The following CYRIB variants were observed in gnomAD, a reference collection of about 807,000 sequenced individuals.
CYRIB encodes CYFIP related Rac1 interactor B.
CYRIB carries 8 observed loss-of-function variants against 44.2 expected under a neutral mutation model. The observed-to-expected ratio is 0.18, with a 90% CI of 0.11 to 0.33. The LOEUF (loss-of-function observed/expected upper bound fraction) is 0.33, where lower values mean the gene tolerates loss of function less well. CYRIB is among the 10% of genes least tolerant of loss of function. CYRIB has a pLI of 1.00. For synonymous variants in CYRIB, 131 were observed against 127.2 expected, an observed-to-expected ratio of 1.03 and a Z score of -0.20; for missense variants, 185 against 382.8, an observed-to-expected ratio of 0.48 and a Z score of 4.31.
chr8:129,894,929 ATT>A (rs61102044), intron 2 of CYRIB, among the ~76,000 whole-genome samples: 3 of 148,026 alleles, frequency 2.0e-5, no homozygotes, highest in Non-Finnish European at 4.5e-5. Context: ...ATATATATAT[ATT>A]TTTTTAATTA....
At chr8:129,859,418 T>TTA (rs1476522895) in intron 5 of CYRIB, among the ~76,000 whole-genome samples, 2 of 151,058 alleles carry the variant, frequency 1.3e-5, no homozygotes, top group East Asian at 3.9e-4. Flanking sequence ...GCCTGACTAA[T>TTA]GTCAGGCCCT....
At chr8:130,015,512 G>T (rs1424313103) in intron 1 of CYRIB, among the ~76,000 whole-genome samples, 1 of 152,166 alleles carries the variant, frequency 6.6e-6, no homozygotes, top group Non-Finnish European at 1.5e-5. Context: ...GCTGCAAAGT[G>T]CATGTGACAC....
rs147271003 is a variant in CYRIB at position 129,864,869 on chromosome 8, T to C, written c.196-2535A>G. On this transcript the variant is annotated intron_variant, in intron 4 of 11. Transcript: ENST00000519824. ...AGGTTTTCCTCATTGATCAATTCCA[T>C]AAAGCTATAGAAGAAGTCCTGACAC... The C allele has an allele frequency of 2.5e-5, 10 of 405,566 alleles. No homozygotes were observed. In the East Asian group the frequency reaches 6.6e-4, roughly 27 times the overall value. The allele number at this position is 405,566 out of a possible 1,614,324, so 25.1% of individuals were successfully genotyped here.
At chr8:129,885,320 C>T (rs1195866151) in intron 2 of CYRIB, among the ~76,000 whole-genome samples, 1 of 152,178 alleles carries the variant, frequency 6.6e-6, no homozygotes, top group Non-Finnish European at 1.5e-5. Context: ...AATCTTCTAC[C>T]TACCTCTTCA....
Position 129,972,774 on chromosome 8 carries a change from C to T in CYRIB, c.-295-1779G>A, listed in dbSNP as rs554631845. ...CGCACATGCACACCACACACACACACCCCACATCACTCACACACCCAGCAC... is the reference window on the plus strand; with the variant it reads ...CGCACATGCACACCACACACACACATCCCACATCACTCACACACCCAGCAC... On this transcript the variant is annotated intron_variant, in intron 1 of 14. Transcript: ENST00000401979. Among the ~76,000 whole-genome samples, 8 of 152,082 alleles carry T rather than the reference C, an allele frequency of 5.3e-5. No homozygotes were observed. The East Asian group carries it at 1.5e-3, about 29-fold the overall frequency.
At chr8:129,967,418 C>T (rs1430741128) in intron 2 of CYRIB, among the ~76,000 whole-genome samples, 3 of 148,422 alleles carry the variant, frequency 2.0e-5, no homozygotes, top group African/African-American at 7.5e-5. Context: ...CTTGCTCTGT[C>T]GCCCAGGCTG....
At chr8:129,923,329 C>T (rs1341172962) in intron 1 of CYRIB, among the ~76,000 whole-genome samples, 1 of 151,662 alleles carries the variant, frequency 6.6e-6, no homozygotes, top group Non-Finnish European at 1.5e-5. Flanking sequence ...GGCTGGAGTG[C>T]AATGGTACAA....
At chr8:130,013,866 G>A (rs1219035576) in intron 1 of CYRIB, among the ~76,000 whole-genome samples, 1 of 152,196 alleles carries the variant, frequency 6.6e-6, no homozygotes, top group Non-Finnish European at 1.5e-5. Context: ...AGAGCAAAGG[G>A]GAACCCATCA....
intron 1 of CYRIB, among the ~76,000 whole-genome samples, chr8:129,906,896 T>C (rs2136040540): frequency 6.6e-6 from 1 of 152,208 alleles, no homozygotes; most frequent in Non-Finnish European, 1.5e-5. Flanking sequence ...AAAACCACAA[T>C]GAGATACCAT....
chr8:129,962,382 G>T (rs1462437681), intron 2 of CYRIB, among the ~76,000 whole-genome samples: 1 of 152,178 alleles, frequency 6.6e-6, no homozygotes, highest in Non-Finnish European at 1.5e-5. Context: ...GACTGAGGCT[G>T]CAGTAAGCTA....
In CYRIB at chr8:129,918,644, G is replaced by A. The variant is rs186512297; in HGVS notation, c.-49-15294C>T. Among the ~76,000 whole-genome samples the A allele has an allele frequency of 5.1e-4, 77 of 152,220 alleles. No individual in the cohort carries two copies. In the South Asian group the frequency reaches 9.7e-3, roughly 19 times the overall value. ...AGCACATCATATCACTCATCAAAAC[G>A]CTGGACCCTTTCCCATGACTCAAAG... is the stretch of plus-strand genomic sequence containing the variant. On this transcript the variant is annotated intron_variant, in intron 1 of 11. Coordinates refer to ENST00000519824, the Ensembl canonical transcript of CYRIB.
chr8:129,849,464 A>G (rs2042111485), intron 9 of CYRIB, 95 bp from the exon 12 acceptor site: 6 of 1,266,292 alleles, frequency 4.7e-6, no homozygotes, highest in Non-Finnish European at 5.3e-6. Flanking sequence ...GAAATATTTT[A>G]TTCAAATTTC....
At chr8:129,931,760 G>T (rs927532745) in intron 1 of CYRIB, among the ~76,000 whole-genome samples, 5 of 151,894 alleles carry the variant, frequency 3.3e-5, no homozygotes, top group African/African-American at 1.2e-4. Flanking sequence ...CCAAGTAGCT[G>T]GGATTACAGG....
intron 1 of CYRIB, among the ~76,000 whole-genome samples, chr8:129,976,759 G>C (rs1399925633): frequency 6.6e-6 from 1 of 151,576 alleles, no homozygotes; most frequent in Non-Finnish European, 1.5e-5. Flanking sequence ...ACATTTGTTT[G>C]AAAAAAAGAA....
intron 3 of CYRIB, 128 bp downstream of exon 5, chr8:129,879,261 C>G (rs1169644731): frequency 4.7e-6 from 3 of 643,486 alleles, no homozygotes; most frequent in Non-Finnish European, 8.1e-6. Flanking sequence ...CAGAAATTTA[C>G]TCAAACAATT....
chr8:129,841,864 G>A (rs1271452999), exon 12 of CYRIB: 2 of 305,684 alleles, frequency 6.5e-6, no homozygotes, highest in Non-Finnish European at 6.0e-6. Context: ...TTTAGTTCAA[G>A]TCACAGAATT....
chr8:129,996,026 T>C (rs746048401), intron 1 of CYRIB, among the ~76,000 whole-genome samples: 2 of 152,220 alleles, frequency 1.3e-5, no homozygotes, highest in Non-Finnish European at 2.9e-5. Flanking sequence ...AACCCTGTTT[T>C]AGGTGCCCCT....
intron 10 of CYRIB, among the ~76,000 whole-genome samples, chr8:129,847,575 T>C (rs528858391): frequency 1.5e-4 from 23 of 152,184 alleles, no homozygotes; most frequent in African/African-American, 2.2e-4. Flanking sequence ...AGAGGACAGA[T>C]AGGAATTTTT....
At chr8:129,870,009 G>C (rs1465271884) in intron 4 of CYRIB, among the ~76,000 whole-genome samples, 1 of 152,086 alleles carries the variant, frequency 6.6e-6, no homozygotes, top group Non-Finnish European at 1.5e-5. Context: ...AGAAAAAAAT[G>C]AAAGGAAGGT....
Sources: allele counts gnomAD v4.1 joint callset (sites outside exome capture counted in the v4.1 genomes callset), GRCh38; gene constraint gnomAD v4.1.1; transcripts MANE v1.5; gene names NCBI Gene and HGNC (gene_info 2026-07-23, HGNC 2026-07-21).